Variants in CAMKK1 observed in about 807,000 individuals in gnomAD.
The protein encoded by CAMKK1 is calcium/calmodulin dependent protein kinase kinase 1.
Under a neutral mutation model 63.5 loss-of-function variants are expected in CAMKK1, and 20 were observed. The ratio of observed to expected loss-of-function variants is 0.32; its 90% CI spans 0.22 to 0.46. The LOEUF (loss-of-function observed/expected upper bound fraction) is 0.46, where lower values mean the gene tolerates loss of function less well. Among genes scored for constraint, CAMKK1 ranks in the 20% least tolerant of loss-of-function variants. The pLI is 1.00. For missense variants in CAMKK1, 588 were observed against 658.1 expected (o/e 0.89, Z 1.17); for synonymous variants, 253 against 269.0 (o/e 0.94, Z 0.58).
Position 3,882,267 on chromosome 17 carries a change from A to C in CAMKK1, c.685+261T>G. 1 of 1,612,896 alleles carries C rather than the reference A, an allele frequency of 6.2e-7. No homozygotes were observed. Among genetic ancestry groups the C allele is most frequent in the Non-Finnish European group, 8.5e-7 (1 of 1,179,220 alleles). The stretch of plus-strand genomic sequence containing the variant: ...GCTTCCTGCATCTACCTGAGCGCGC[A>C]GCCCACGTGGATCCACTGTCTTGCT... On this transcript the variant is annotated intron_variant, in intron 7 of 15. Transcript: ENST00000348335. The surrounding 1 kb of genome is among the most constrained non-coding windows in gnomAD (Gnocchi z 4.3).
chr17:3,880,483 C>A, intron 8 of CAMKK1, 49 bp from the exon 9 acceptor site: 1 of 1,498,850 alleles, frequency 6.7e-7, no homozygotes, highest in South Asian at 1.2e-5. Context: ...TCAGGGCACC[C>A]GGCCATTCAG....
chr17:3,881,922 G>T, intron 7 of CAMKK1: 2 of 541,522 alleles, frequency 3.7e-6, no homozygotes, highest in East Asian at 6.2e-5. Flanking sequence ...CACAGAGAAG[G>T]GGCAGAAATT....
rs532508716 is a variant in CAMKK1 at position 3,891,570 on chromosome 17, C to A, written c.-44+1369G>T. Reference sequence around the variant, plus strand: ...GACAGTGCTTGCTCAGTATGAAGAACAGCAGGGAGGCTGACGTGGCTGGAG... The same window carrying A: ...GACAGTGCTTGCTCAGTATGAAGAAAAGCAGGGAGGCTGACGTGGCTGGAG... On this transcript the variant is annotated intron_variant, in intron 1 of 15. Coordinates refer to ENST00000348335, the MANE Select transcript of CAMKK1 (RefSeq NM_032294.3). Among the ~76,000 whole-genome samples the A allele has an allele frequency of 9.2e-5, 14 of 152,294 alleles. 1 individual carries two copies. The South Asian group carries it at 2.9e-3, about 32-fold the overall frequency.
chr17:3,870,435 G>A (rs1046543204), intron 12 of CAMKK1, among the ~76,000 whole-genome samples: 13 of 151,494 alleles, frequency 8.6e-5, no homozygotes, highest in Admixed American at 2.6e-4. Flanking sequence ...GCGCAATCTC[G>A]GCTCACTGCA....
chr17:3,862,128 G>A lies in CAMKK1; in HGVS notation c.*83C>T, dbSNP rs995988114. 7.3e-5 allele frequency: 85 copies of A among 1,169,436 alleles called. 1 individual carries two copies. The highest frequency in any genetic ancestry group is 1.0e-4 in the Admixed American group (5 of 49,930). The allele number at this position is 1,169,436 out of a possible 1,614,324, so 72.4% of individuals were successfully genotyped here. A position where few individuals can be genotyped will look rare whatever the true frequency, so the allele number is the denominator to read the frequency against. ...CTGCAGTCCCCAGCCCCCTGCCTGC[G>A]GGGGCGGCTGTTGCATGAGGGGTGG... On this transcript the variant is annotated 3_prime_UTR_variant, in exon 16 of 16. Coordinates refer to ENST00000348335, the MANE Select transcript of CAMKK1 (RefSeq NM_032294.3). The surrounding 1 kb of genome is among the most constrained non-coding windows in gnomAD (Gnocchi z 4.1).
intron 9 of CAMKK1, among the ~76,000 whole-genome samples, chr17:3,876,833 C>T (rs377237174): frequency 1.3e-5 from 2 of 150,306 alleles, no homozygotes; most frequent in African/African-American, 4.9e-5. Context: ...TCTCGGCTCA[C>T]TGCAGCCTCC....
intron 2 of CAMKK1, among the ~76,000 whole-genome samples, chr17:3,885,088 G>A (rs1055979664): frequency 1.3e-5 from 2 of 152,328 alleles, no homozygotes; most frequent in South Asian, 4.1e-4. Context: ...ACCAGGGAGA[G>A]ACCTATTTCC....
intron 12 of CAMKK1, among the ~76,000 whole-genome samples, chr17:3,870,153 C>T (rs1252542102): frequency 6.6e-6 from 1 of 152,096 alleles, no homozygotes; most frequent in Non-Finnish European, 1.5e-5. Flanking sequence ...TTATGGGACA[C>T]CAGAGGCCTT....
At chr17:3,871,651 C>A (rs1292482356) in intron 12 of CAMKK1, among the ~76,000 whole-genome samples, 1 of 147,748 alleles carries the variant, frequency 6.8e-6, no homozygotes, top group South Asian at 2.1e-4. Flanking sequence ...CCGCCGCACC[C>A]GGCCTTATTC....
intron 11 of CAMKK1, among the ~76,000 whole-genome samples, chr17:3,872,840 C>G (rs1295985491): frequency 1.3e-5 from 2 of 152,184 alleles, no homozygotes; most frequent in Admixed American, 1.3e-4. Flanking sequence ...GCATCCACCG[C>G]CGTTACTGCC....
intron 12 of CAMKK1, among the ~76,000 whole-genome samples, chr17:3,871,333 G>GGTTTTT (rs1567617833): frequency 2.7e-5 from 3 of 111,004 alleles, no homozygotes; most frequent in East Asian, 2.9e-4. Flanking sequence ...GTTGTTTTTT[G>GGTTTTT]TTTTTTTTTT....
chr17:3,868,880 C>G (rs2143802137), intron 14 of CAMKK1, among the ~76,000 whole-genome samples: 1 of 152,166 alleles, frequency 6.6e-6, no homozygotes, highest in East Asian at 1.9e-4. Flanking sequence ...GTCTCGATCT[C>G]CTGACCTCGT....
chr17:3,871,210 C>T (rs1322118026), intron 12 of CAMKK1, among the ~76,000 whole-genome samples: 2 of 151,978 alleles, frequency 1.3e-5, no homozygotes, highest in Non-Finnish European at 2.9e-5. Context: ...GGCAACAAGG[C>T]CCAGAGACAG....
At chr17:3,875,291 GTC>G (rs961353842) in intron 10 of CAMKK1, among the ~76,000 whole-genome samples, 2 of 151,934 alleles carry the variant, frequency 1.3e-5, no homozygotes, top group African/African-American at 4.8e-5. Context: ...CATCCCCAAC[GTC>G]TTTCTTTCTT....
In CAMKK1 at chr17:3,880,456, G is replaced by C. The variant is rs551437101; in HGVS notation, c.708-22C>G. ...GGGCCTATGGAGAAGGATGCGGGGA[G>C]GGGCATTCAGCTGAAATCAGGGCAC... On this transcript the variant is annotated intron_variant, in intron 8 of 15. Coordinates refer to ENST00000348335, the MANE Select transcript of CAMKK1 (RefSeq NM_032294.3). 3 of 1,601,588 alleles carry C rather than the reference G, an allele frequency of 1.9e-6. No individual in the cohort carries two copies. The East Asian group carries it at 6.7e-5, about 36-fold the overall frequency.
intron 10 of CAMKK1, among the ~76,000 whole-genome samples, chr17:3,875,261 T>C (rs1400671705): frequency 6.6e-6 from 1 of 152,172 alleles, no homozygotes. Context: ...AAATAAAACA[T>C]TTCAAAAAAT....
chr17:3,877,649 G>A (rs1229153126), intron 9 of CAMKK1, among the ~76,000 whole-genome samples: 6 of 152,108 alleles, frequency 3.9e-5, no homozygotes, highest in Non-Finnish European at 8.8e-5. Context: ...GGCGGGTGCC[G>A]TATAACAATA....
chr17:3,869,093 C>T (rs2054716331), intron 14 of CAMKK1, among the ~76,000 whole-genome samples: 1 of 151,866 alleles, frequency 6.6e-6, no homozygotes, highest in African/African-American at 2.4e-5. Flanking sequence ...CTCAGCCTCC[C>T]GAGTAGCTGG....
In CAMKK1 at chr17:3,862,359, C is replaced by T. The variant is rs2054358613; in HGVS notation, c.1446-76G>A. 1 of 1,199,294 alleles carries T rather than the reference C, an allele frequency of 8.3e-7. No homozygotes were observed. The highest frequency in any genetic ancestry group is 1.3e-5 in the South Asian group (1 of 76,496). 74.3% of individuals were successfully genotyped at this position (1,199,294 alleles called of 1,614,324 possible). On this transcript the variant is annotated intron_variant, in intron 15 of 15. Transcript: ENST00000348335. The surrounding 1 kb of genome is among the most constrained non-coding windows in gnomAD (Gnocchi z 4.1). ...TCAGGGAGACACTCTCCCTCACACA[C>T]ACAGGAATCTGAATCCCACATCTCT...
Sources: gnomAD v4.1 joint callset for allele counts (sites outside exome capture counted in the v4.1 genomes callset) on GRCh38, gnomAD v4.1.1 for gene constraint, Gnocchi (gnomAD v3.1) non-coding constraint, MANE v1.5 for transcripts, NCBI Gene and HGNC (gene_info 2026-07-23, HGNC 2026-07-21) for gene names.